The following ARFGEF3 variants were observed in gnomAD, a reference collection of about 807,000 sequenced individuals.
ARFGEF3 encodes brefeldin A-inhibited guanine nucleotide-exchange protein 3.
Under a neutral mutation model 221.7 loss-of-function variants are expected in ARFGEF3, and 96 were observed. That is an observed-to-expected ratio of 0.43 (90% CI 0.37 to 0.51). The LOEUF is 0.51. Ranked by LOEUF, ARFGEF3 falls within the 20% of genes least tolerant of loss-of-function variation. The probability of loss-of-function intolerance (pLI) is 0.00; values close to 1 mark genes in which losing one functional copy is unlikely to be tolerated. For synonymous variants in ARFGEF3, 1,145 were observed against 1,126.8 expected, an observed-to-expected ratio of 1.02 and a Z score of -0.32; for missense variants, 2,410 against 2,789.9, an observed-to-expected ratio of 0.86 and a Z score of 3.07.
intron 6 of ARFGEF3, among the ~76,000 whole-genome samples, chr6:138,240,086 T>C (rs1778365347): frequency 6.6e-6 from 1 of 152,196 alleles, no homozygotes; most frequent in South Asian, 2.1e-4. Context: ...TATTAAAAAT[T>C]GTTTTAACTT....
chr6:138,313,566 C>T (rs1307606749), intron 25 of ARFGEF3, among the ~76,000 whole-genome samples: 2 of 152,190 alleles, frequency 1.3e-5, no homozygotes, highest in Admixed American at 6.5e-5. Flanking sequence ...TCCATAGGAT[C>T]CTTTTTCCCT....
intron 2 of ARFGEF3, among the ~76,000 whole-genome samples, chr6:138,186,276 G>A (rs1409322434): frequency 6.6e-6 from 1 of 152,194 alleles, no homozygotes; most frequent in Non-Finnish European, 1.5e-5. Flanking sequence ...TGGTCAGTAA[G>A]GGAAAGCCTA....
At chr6:138,263,712 C>A (rs1778834488) in intron 12 of ARFGEF3, 101 bp downstream of exon 12, 1 of 1,092,268 alleles carries the variant, frequency 9.2e-7, no homozygotes, top group Admixed American at 2.4e-5. Context: ...GTGCTCAAAG[C>A]ATATTAATGT....
chr6:138,224,354 C>T (rs1390966172), intron 4 of ARFGEF3, among the ~76,000 whole-genome samples: 2 of 152,128 alleles, frequency 1.3e-5, no homozygotes, highest in Admixed American at 1.3e-4. Context: ...ATTTGGTAAT[C>T]CCTCATTCAG....
At chr6:138,238,746 G>A (rs967546712) in intron 6 of ARFGEF3, 115 bp downstream of exon 6, 65 of 955,588 alleles carry the variant, frequency 6.8e-5, no homozygotes, top group Non-Finnish European at 9.9e-5. Context: ...GGAAGAGCTT[G>A]CTTGTTTTAA....
At chr6:138,312,256 C>T (rs1271133346) in intron 25 of ARFGEF3, among the ~76,000 whole-genome samples, 1 of 152,122 alleles carries the variant, frequency 6.6e-6, no homozygotes, top group African/African-American at 2.4e-5. Flanking sequence ...CACCATGCCC[C>T]CTCCCTGAGG....
rs896168354 is a variant in ARFGEF3 at position 138,341,868 on chromosome 6, C to T, written c.*5382C>T. Reference sequence around the variant, plus strand: ...TTGGTTTCTTTATAAATTGTGGTACCACTCCATCATTGAAGAGAAACCACT... The same window carrying T: ...TTGGTTTCTTTATAAATTGTGGTACTACTCCATCATTGAAGAGAAACCACT... On this transcript the variant is annotated 3_prime_UTR_variant, in exon 34 of 34. Coordinates refer to ENST00000251691, the MANE Select transcript of ARFGEF3 (RefSeq NM_020340.5). The T allele has an allele frequency of 4.6e-5, 7 of 152,066 alleles. No individual in the cohort carries two copies. Among genetic ancestry groups the T allele is most frequent in the African/African-American group, 1.7e-4 (7 of 41,400 alleles). The allele number at this position is 152,066 out of a possible 1,614,324, so 9.4% of individuals were successfully genotyped here.
rs747087287 is a variant in ARFGEF3, at chr6:138,334,561, C to T, written c.5715C>T (p.His1905=). The change falls in exon 33 of 34, where the codon CAC becomes CAT. Residue 1905 remains histidine (H), a synonymous_variant. Transcript: ENST00000251691. The surrounding 1 kb of genome is among the most constrained non-coding windows in gnomAD (Gnocchi z 5.1). ...GGGTGTGGCTGGTCAAGAGGCTGCA[C>T]AAGCTGTGCATGGAACTGTGCAACA... ...ADWVWLVKRL[H]KLCMELCNNY... is the part of the protein sequence containing the mutation. 5 of 1,613,660 alleles carry T rather than the reference C, an allele frequency of 3.1e-6. No individual in the cohort carries two copies. The highest frequency in any genetic ancestry group is 1.6e-4 in the Middle Eastern group (1 of 6,062).
intron 3 of ARFGEF3, among the ~76,000 whole-genome samples, chr6:138,207,614 A>C (rs1376984087): frequency 1.3e-5 from 2 of 152,248 alleles, no homozygotes; most frequent in African/African-American, 4.8e-5. Context: ...ATTTGGTTTA[A>C]CAAGAAAAGC....
intron 2 of ARFGEF3, among the ~76,000 whole-genome samples, chr6:138,194,168 T>G (rs1345436698): frequency 6.6e-6 from 1 of 150,834 alleles, no homozygotes; most frequent in Admixed American, 6.6e-5. Flanking sequence ...CTCAGGAGGC[T>G]GAGGCAGGAG....
intron 4 of ARFGEF3, among the ~76,000 whole-genome samples, chr6:138,221,701 G>A (rs1347217233): frequency 6.6e-6 from 1 of 152,122 alleles, no homozygotes; most frequent in Non-Finnish European, 1.5e-5. Flanking sequence ...CACTGTTACA[G>A]TATTTCCTAG....
rs539180882 is a variant in ARFGEF3 at position 138,278,931 on chromosome 6, G to A, written c.2295+314G>A. Among the ~76,000 whole-genome samples the A allele has an allele frequency of 1.8e-4, 27 of 152,286 alleles. No individual in the cohort carries two copies. The East Asian group carries it at 4.8e-3, about 27-fold the overall frequency. On this transcript the variant is annotated intron_variant, in intron 13 of 33. Coordinates refer to ENST00000251691, the MANE Select transcript of ARFGEF3 (RefSeq NM_020340.5). Reference sequence around the variant, plus strand: ...CATCTCATGTCATTATTAAACATGTGTATAAAACCTGTTCAAAACCACATC... The same window carrying A: ...CATCTCATGTCATTATTAAACATGTATATAAAACCTGTTCAAAACCACATC...
rs1035247471 is a variant in ARFGEF3 at position 138,334,776 on chromosome 6, T to A, written c.5930T>A (p.Leu1977Gln). ...TCCCGGGAGCACATGGGCGAGTCCC[T>A]GAGCCTGAAGGCCGGTGGTGGGGAC... ...SQSREHMGES[L>Q]SLKAGGGDLL... The change falls in exon 33 of 34, where the codon CTG becomes CAG. Residue 1977 changes from leucine to glutamine, a missense_variant. Coordinates refer to ENST00000251691, the MANE Select transcript of ARFGEF3 (RefSeq NM_020340.5). The surrounding 1 kb of genome is among the most constrained non-coding windows in gnomAD (Gnocchi z 5.1). The A allele has an allele frequency of 6.2e-7, 1 of 1,609,750 alleles. No homozygotes were observed.
At chr6:138,243,061 G>A in intron 7 of ARFGEF3, 67 bp downstream of exon 7, 1 of 1,240,474 alleles carries the variant, frequency 8.1e-7, no homozygotes, top group Middle Eastern at 1.9e-4. Context: ...TGTGTGCTTG[G>A]AGTGAGGGGT....
chr6:138,266,677 G>A lies in ARFGEF3; in HGVS notation c.2128+3066G>A, dbSNP rs1029459609. 8.6e-5 allele frequency among the ~76,000 whole-genome samples: 13 copies of A among 151,836 alleles called. No homozygotes were observed. In the South Asian group the frequency reaches 1.3e-3, roughly 15 times the overall value. On this transcript the variant is annotated intron_variant, in intron 12 of 33. Coordinates refer to ENST00000251691, the MANE Select transcript of ARFGEF3 (RefSeq NM_020340.5). ...ATCCTGGCTAATATGGTGAAACCCC[G>A]TCTCTACTAAAAATACAAAAAATTA...
chr6:138,308,206 G>A (rs1486638790), intron 23 of ARFGEF3, among the ~76,000 whole-genome samples: 1 of 152,168 alleles, frequency 6.6e-6, no homozygotes, highest in Non-Finnish European at 1.5e-5. Flanking sequence ...CGTATGGTTT[G>A]TATGAACAGT....
intron 12 of ARFGEF3, among the ~76,000 whole-genome samples, chr6:138,274,979 T>G (rs1337610425): frequency 6.6e-6 from 1 of 150,716 alleles, no homozygotes; most frequent in East Asian, 2.0e-4. Flanking sequence ...CGGTGGCACA[T>G]GCCTGTAATC....
chr6:138,298,004 G>C (rs1226228414), intron 21 of ARFGEF3, among the ~76,000 whole-genome samples: 1 of 152,120 alleles, frequency 6.6e-6, no homozygotes, highest in Non-Finnish European at 1.5e-5. Context: ...GGCATTCTTA[G>C]GGTTCCAAAG....
At chr6:138,178,797 C>T (rs922545768) in intron 2 of ARFGEF3, among the ~76,000 whole-genome samples, 7 of 152,192 alleles carry the variant, frequency 4.6e-5, no homozygotes, top group African/African-American at 1.7e-4. Context: ...GGAATCTCAG[C>T]TTTGGCAATA....
Sources: gnomAD v4.1 joint callset for allele counts (sites outside exome capture counted in the v4.1 genomes callset) on GRCh38, gnomAD v4.1.1 for gene constraint, Gnocchi (gnomAD v3.1) non-coding constraint, MANE v1.5 for transcripts, NCBI Gene and HGNC (gene_info 2026-07-23, HGNC 2026-07-21) for gene names.